RELN: variants seen among roughly 807,000 people sequenced by gnomAD.
The protein encoded by RELN is reelin.
Under a neutral mutation model 427.6 loss-of-function variants are expected in RELN, and 108 were observed. The observed-to-expected ratio is 0.25, with a 90% confidence interval of 0.22 to 0.30. The LOEUF is 0.30. RELN is among the 10% of genes least tolerant of loss of function. The pLI, the probability that RELN is intolerant of heterozygous loss-of-function variation, is 1.00. For synonymous variants in RELN, 1,524 were observed against 1,513.4 expected (o/e 1.01, Z -0.16); for missense variants, 3,715 against 4,302.8 (o/e 0.86, Z 3.82).
chr7:103,582,187 C>G (rs548758518), intron 28 of RELN, among the ~76,000 whole-genome samples: 2 of 152,318 alleles, frequency 1.3e-5, no homozygotes, highest in South Asian at 4.1e-4. Context: ...GTCAGGTGTT[C>G]AGGATGGCAG....
At chr7:103,889,553 G>A (rs890479332) in intron 2 of RELN, among the ~76,000 whole-genome samples, 3 of 152,102 alleles carry the variant, frequency 2.0e-5, no homozygotes, top group Non-Finnish European at 4.4e-5. Flanking sequence ...TTCAGTCACC[G>A]TTGATACAAA....
chr7:103,543,161 T>C (rs1412216551), intron 42 of RELN, among the ~76,000 whole-genome samples: 1 of 152,122 alleles, frequency 6.6e-6, no homozygotes, highest in African/African-American at 2.4e-5. Context: ...TTGTTCACAC[T>C]GAAAAAAAGG....
At chr7:103,660,225 T>G (rs1046162170) in intron 12 of RELN, among the ~76,000 whole-genome samples, 1 of 152,136 alleles carries the variant, frequency 6.6e-6, no homozygotes, top group Non-Finnish European at 1.5e-5. Context: ...ACTAAATGTT[T>G]ATTACAACTT....
chr7:103,907,415 GAAA>G lies in RELN; in HGVS notation c.337+9657_337+9659del, dbSNP rs941182837. Among the ~76,000 whole-genome samples, 8 of 44,122 alleles carry G rather than the reference GAAA, an allele frequency of 1.8e-4. 1 individual carries two copies. Among genetic ancestry groups the G allele is most frequent in the South Asian group, 8.3e-4 (1 of 1,212 alleles). The allele number at this position is 44,122 out of a possible 152,430, so 28.9% of individuals were successfully genotyped here. ...CCTGGGCAACAAGATCAAGGCTCTG[GAAA>G]AAAAAAAAAAAAAAAAAAAAAAAAA... On this transcript the variant is annotated intron_variant, in intron 2 of 64. Coordinates refer to ENST00000428762, the MANE Select transcript of RELN (RefSeq NM_005045.4).
chr7:103,696,787 T>A (rs1833985334), intron 10 of RELN, among the ~76,000 whole-genome samples: 1 of 152,150 alleles, frequency 6.6e-6, no homozygotes, highest in African/African-American at 2.4e-5. Flanking sequence ...TTCCGTTCAG[T>A]CCTCTATCCT....
At chr7:103,723,266 G>A (rs577799798) in intron 7 of RELN, 75 bp from the exon 8 acceptor site, 31 of 860,420 alleles carry the variant, frequency 3.6e-5, no homozygotes, top group Middle Eastern at 2.2e-4. Context: ...GGAGGGGTAC[G>A]GGGAGGGGAA....
chr7:103,882,262 T>C (rs1794624291), intron 2 of RELN, among the ~76,000 whole-genome samples: 1 of 152,200 alleles, frequency 6.6e-6, no homozygotes, highest in African/African-American at 2.4e-5. Context: ...TATACATATT[T>C]GCTCTTGAGT....
chr7:103,731,487 T>C (rs1014836244), intron 6 of RELN, among the ~76,000 whole-genome samples: 1 of 151,130 alleles, frequency 6.6e-6, no homozygotes, highest in Non-Finnish European at 1.5e-5. Flanking sequence ...ATCCTCTCCT[T>C]CTATTTTTTT....
chr7:103,604,555 G>A lies in RELN; in HGVS notation c.3009-72C>T, dbSNP rs1437827543. 3 of 1,523,278 alleles carry A rather than the reference G, an allele frequency of 2.0e-6. No homozygotes were observed. The Admixed American group carries it at 5.1e-5, about 26-fold the overall frequency. 94.4% of individuals were successfully genotyped at this position (1,523,278 alleles called of 1,614,324 possible). A position where few individuals can be genotyped will look rare whatever the true frequency, so the allele number is the denominator to read the frequency against. ...AGTGACATTGGCAAAGAATGTCAGA[G>A]TCCAAAATCTTTCAGCTAACTAACT... On this transcript the variant is annotated intron_variant, in intron 22 of 64. Transcript: ENST00000428762.
chr7:103,632,241 T>G (rs557650288), intron 19 of RELN, among the ~76,000 whole-genome samples: 2 of 152,336 alleles, frequency 1.3e-5, no homozygotes, highest in Admixed American at 6.5e-5. Flanking sequence ...GGCTTCTATG[T>G]GTCTCAGCAG....
At chr7:103,781,860 G>A (rs144873613) in intron 3 of RELN, among the ~76,000 whole-genome samples, 8 of 151,962 alleles carry the variant, frequency 5.3e-5, no homozygotes, top group East Asian at 1.9e-4. Flanking sequence ...GCTGTCTCTC[G>A]GGGGGAAGGT....
chr7:103,504,313 T>C (rs2117043145), intron 51 of RELN: 1 of 152,340 alleles, frequency 6.6e-6, no homozygotes, highest in Middle Eastern at 3.4e-3. Context: ...TAATTTTCTC[T>C]TGTTGAAACA....
intron 3 of RELN, among the ~76,000 whole-genome samples, chr7:103,817,347 G>T (rs931030583): frequency 6.6e-6 from 1 of 152,094 alleles, no homozygotes; most frequent in African/African-American, 2.4e-5. Flanking sequence ...CATTAATTGA[G>T]ACCAAGGACA....
chr7:103,971,217 G>A (rs544819814), intron 1 of RELN, among the ~76,000 whole-genome samples: 1 of 150,432 alleles, frequency 6.6e-6, no homozygotes, highest in South Asian at 2.1e-4. Context: ...ATCCAGGCAT[G>A]TCTGATTCCA....
chr7:103,494,171 T>A (rs1008513252), intron 57 of RELN, among the ~76,000 whole-genome samples: 2 of 152,134 alleles, frequency 1.3e-5, no homozygotes, highest in Admixed American at 1.3e-4. Flanking sequence ...TGGTAGCATT[T>A]GGGGAGCTTG....
At chr7:103,500,948 G>A (rs1194384468) in intron 52 of RELN, 26 bp from the exon 53 acceptor site, 2 of 1,612,250 alleles carry the variant, frequency 1.2e-6, no homozygotes, top group Admixed American at 3.3e-5. Flanking sequence ...AAGCAAAGGA[G>A]TGAAAAACAA....
chr7:103,725,389 C>T (rs1364494840), intron 7 of RELN, among the ~76,000 whole-genome samples: 1 of 151,986 alleles, frequency 6.6e-6, no homozygotes, highest in Non-Finnish European at 1.5e-5. Flanking sequence ...CTCATCTCTA[C>T]AAACAATTTA....
intron 10 of RELN, among the ~76,000 whole-genome samples, chr7:103,689,856 T>G (rs551102975): frequency 2.5e-4 from 38 of 152,256 alleles, no homozygotes; most frequent in African/African-American, 8.7e-4. Flanking sequence ...AACTTACATC[T>G]AATGTTTTTC....
intron 3 of RELN, among the ~76,000 whole-genome samples, chr7:103,807,325 C>T (rs1792623375): frequency 6.6e-6 from 1 of 152,088 alleles, no homozygotes. Context: ...GAATCCTAAG[C>T]CAGCAGTAGG....
Sources: allele counts gnomAD v4.1 joint callset (sites outside exome capture counted in the v4.1 genomes callset), GRCh38; gene constraint gnomAD v4.1.1; transcripts MANE v1.5; gene names NCBI Gene and HGNC (gene_info 2026-07-23, HGNC 2026-07-21).